Variants in NOL4 observed in about 807,000 individuals in gnomAD.
The protein encoded by NOL4 is nucleolar protein 4, also known as cancer/testis antigen 125.
In NOL4, 17 loss-of-function variants were observed where a neutral mutation model predicts 75.9. The observed-to-expected ratio is 0.22, with a 90% CI of 0.15 to 0.34. NOL4 has a LOEUF of 0.34. Among genes scored for constraint, NOL4 ranks in the 10% least tolerant of loss-of-function variants. NOL4 has a pLI of 1.00. For synonymous variants in NOL4, 292 were observed against 289.9 expected (o/e 1.01, Z -0.07); for missense variants, 614 against 793.5 (o/e 0.77, Z 2.72).
intron 5 of NOL4, among the ~76,000 whole-genome samples, chr18:34,037,301 T>C (rs539665651): frequency 1.1e-4 from 16 of 152,130 alleles, no homozygotes; most frequent in African/African-American, 3.6e-4. Context: ...TATCCCATGC[T>C]CATGAAAAGG....
Position 33,958,352 on chromosome 18 carries a change from C to A in NOL4, c.1123G>T (p.Asp375Tyr). 6.3e-7 allele frequency: 1 copy of A among 1,596,300 alleles called. No homozygotes were observed. The highest frequency in any genetic ancestry group is 1.4e-5 in the African/African-American group (1 of 72,940). The change falls in exon 7 of 11, where the codon GAC becomes TAC. Residue 375 changes from aspartate (D) to tyrosine (Y), a missense_variant. Asp to Tyr is a radical substitution (Grantham distance 160). Transcript: ENST00000261592. The stretch of plus-strand genomic sequence containing the variant: ...TCATCTCCCCTGTTTAGTGAGAGGT[C>A]CTCAGCTCCTCGGTCTACACTCTCA... The part of the protein sequence containing the change: ...KNESVDRGAE[D>Y]LSLNRGDEDE...
At chr18:34,094,968 A>C (rs531250368) in intron 4 of NOL4, among the ~76,000 whole-genome samples, 1 of 152,306 alleles carries the variant, frequency 6.6e-6, no homozygotes, top group African/African-American at 2.4e-5. Context: ...ACATCTTGGC[A>C]TCAGCAAAGG....
intron 2 of NOL4, 25 bp downstream of exon 2, chr18:34,129,846 C>CT (rs371725490): frequency 0.012 from 14,613 of 1,266,426 alleles, 64 homozygotes; most frequent in African/African-American, 0.054. Flanking sequence ...AATGCATGCT[C>CT]TTTTTTTTTT....
intron 2 of NOL4, among the ~76,000 whole-genome samples, chr18:34,126,541 T>C (rs1027222701): frequency 6.6e-6 from 1 of 152,190 alleles, no homozygotes; most frequent in Non-Finnish European, 1.5e-5. Flanking sequence ...TTTCTACCAG[T>C]TAGTCTTATT....
chr18:34,163,579 T>G (rs1356330505), intron 1 of NOL4, among the ~76,000 whole-genome samples: 3 of 152,036 alleles, frequency 2.0e-5, no homozygotes, highest in Admixed American at 6.6e-5. Context: ...CACTGCTCAG[T>G]GAAATAAAAG....
chr18:33,907,673 C>T (rs895239401), intron 9 of NOL4, among the ~76,000 whole-genome samples: 1 of 152,118 alleles, frequency 6.6e-6, no homozygotes, highest in African/African-American at 2.4e-5. Context: ...AGGCTAGCAT[C>T]TGCATAATAG....
At chr18:33,891,499 G>A (rs1207779074) in intron 9 of NOL4, among the ~76,000 whole-genome samples, 2 of 152,122 alleles carry the variant, frequency 1.3e-5, no homozygotes, top group Non-Finnish European at 2.9e-5. Flanking sequence ...AGGCAATTTT[G>A]GGGTCCTTGG....
chr18:34,212,189 A>G (rs1170058202), intron 1 of NOL4, among the ~76,000 whole-genome samples: 1 of 152,194 alleles, frequency 6.6e-6, no homozygotes, highest in Admixed American at 6.5e-5. Context: ...AAAAATAAAA[A>G]CATTTAGAGA....
chr18:33,905,865 C>T (rs2066005724), intron 9 of NOL4, among the ~76,000 whole-genome samples: 1 of 152,134 alleles, frequency 6.6e-6, no homozygotes, highest in African/African-American at 2.4e-5. Context: ...CACAGTCATC[C>T]CTCATCAACC....
intron 5 of NOL4, among the ~76,000 whole-genome samples, chr18:34,031,120 T>C (rs1258113781): frequency 6.6e-6 from 1 of 152,012 alleles, no homozygotes; most frequent in African/African-American, 2.4e-5. Context: ...TTATCTCAGT[T>C]TGAATAACAA....
At chr18:33,955,486 A>G (rs1347024077) in intron 8 of NOL4, among the ~76,000 whole-genome samples, 3 of 152,076 alleles carry the variant, frequency 2.0e-5, no homozygotes, top group African/African-American at 7.2e-5. Flanking sequence ...TTCTAAATTT[A>G]TATCTCCTCT....
rs143434296 is a variant in NOL4, at chr18:34,030,098, G to A, written c.773-10497C>T. On this transcript the variant is annotated intron_variant, in intron 5 of 10. Coordinates refer to ENST00000261592, the MANE Select transcript of NOL4 (RefSeq NM_003787.5). ...TTTATATAATGAGTCCTATCTCAAA[G>A]TCAAAGTAAAGTAATGATCTAAATA... is the stretch of plus-strand genomic sequence containing the variant. Among the ~76,000 whole-genome samples the A allele has an allele frequency of 6.0e-4, 92 of 152,198 alleles. No individual in the cohort carries two copies. The East Asian group carries it at 0.016, about 27-fold the overall frequency.
chr18:34,152,047 T>C (rs995143610), intron 1 of NOL4, among the ~76,000 whole-genome samples: 1 of 151,924 alleles, frequency 6.6e-6, no homozygotes, highest in South Asian at 2.1e-4. Context: ...GAAATCTTTG[T>C]ATCCCTTTTT....
intron 9 of NOL4, among the ~76,000 whole-genome samples, chr18:33,908,207 C>T (rs2066179695): frequency 6.6e-6 from 1 of 152,104 alleles, no homozygotes; most frequent in African/African-American, 2.4e-5. Flanking sequence ...AAATTAGGCT[C>T]AACTAAGAAA....
intron 1 of NOL4, among the ~76,000 whole-genome samples, chr18:34,153,905 T>C (rs192421200): frequency 6.6e-6 from 1 of 152,094 alleles, no homozygotes; most frequent in East Asian, 1.9e-4. Flanking sequence ...GAAAGTAACA[T>C]ACAGGAAGTA....
intron 9 of NOL4, among the ~76,000 whole-genome samples, chr18:33,935,897 A>G (rs908563112): frequency 9.2e-5 from 14 of 152,146 alleles, no homozygotes; most frequent in Non-Finnish European, 1.0e-4. Context: ...GAAAAATGCC[A>G]GGAGTAAAGT....
At chr18:34,105,265 G>T in intron 2 of NOL4, 105 bp from the exon 3 acceptor site, 1 of 734,372 alleles carries the variant, frequency 1.4e-6, no homozygotes, top group South Asian at 1.6e-5. Flanking sequence ...TTCCATAATG[G>T]CAGGAAGCAC....
At chr18:34,204,492 A>G (rs553092470) in intron 1 of NOL4, among the ~76,000 whole-genome samples, 1 of 152,234 alleles carries the variant, frequency 6.6e-6, no homozygotes, top group East Asian at 1.9e-4. Flanking sequence ...AAAGCATTCC[A>G]TTTATATGAA....
chr18:33,880,400 T>A (rs1001033743), intron 10 of NOL4, among the ~76,000 whole-genome samples: 2 of 151,730 alleles, frequency 1.3e-5, no homozygotes, highest in African/African-American at 4.8e-5. Flanking sequence ...ACCACCCAAT[T>A]ATAAGAACAC....
Sources: gnomAD v4.1 joint callset for allele counts (sites outside exome capture counted in the v4.1 genomes callset) on GRCh38, gnomAD v4.1.1 for gene constraint, MANE v1.5 for transcripts, NCBI Gene and HGNC (gene_info 2026-07-23, HGNC 2026-07-21) for gene names.